RNFT2: variants seen among roughly 807,000 people sequenced by gnomAD.
RNFT2 encodes E3 ubiquitin-protein ligase RNFT2.
RNFT2 carries 36 observed loss-of-function variants against 53.0 expected under a neutral mutation model. The ratio of observed to expected loss-of-function variants is 0.68; its 90% CI spans 0.52 to 0.90. The LOEUF is 0.90. RNFT2 is among the 40% of genes least tolerant of loss of function. The pLI is 0.00. For missense variants in RNFT2, 514 were observed against 585.6 expected, an observed-to-expected ratio of 0.88 and a Z score of 1.26; for synonymous variants, 260 against 253.2, an observed-to-expected ratio of 1.03 and a Z score of -0.26.
At position 116,800,786 on chromosome 12, in the gene RNFT2, C is replaced by T. The variant is rs1259230004; in HGVS notation, c.882+21438C>T. On this transcript the variant is annotated intron_variant, in intron 7 of 10. Transcript: ENST00000257575. ...CTGAGATTGTGCCGTTGCACTCCAGCCCAGGTGACAGAGCAAGACTCCATC... is the reference window on the plus strand; with the variant it reads ...CTGAGATTGTGCCGTTGCACTCCAGTCCAGGTGACAGAGCAAGACTCCATC... Among the ~76,000 whole-genome samples, 3 of 141,868 alleles carry T rather than the reference C, an allele frequency of 2.1e-5. No homozygotes were observed. In the East Asian group the frequency reaches 6.0e-4, roughly 29 times the overall value. 93.1% of individuals were successfully genotyped at this position (141,868 alleles called of 152,430 possible).
chr12:116,851,620 A>G lies in RNFT2; in HGVS notation c.*2172A>G, dbSNP rs1203832537. 6.6e-6 allele frequency: 4 copies of G among 605,284 alleles called. No individual in the cohort carries two copies. The African/African-American group carries it at 7.4e-5, about 11-fold the overall frequency. 37.5% of individuals were successfully genotyped at this position (605,284 alleles called of 1,614,324 possible). A position where few individuals can be genotyped will look rare whatever the true frequency, so the allele number is the denominator to read the frequency against. On this transcript the variant is annotated 3_prime_UTR_variant, in exon 11 of 11. Transcript: ENST00000257575. ...CCGGGCGCGGTGGCGGGTGCCTGTA[A>G]TCCCAGCTACTCAGGAGGCTAAGGC... is the stretch of plus-strand genomic sequence containing the variant.
In RNFT2 at chr12:116,851,564, C is replaced by A. The variant is rs1264572964; in HGVS notation, c.*2116C>A. On this transcript the variant is annotated 3_prime_UTR_variant, in exon 11 of 11. Coordinates refer to ENST00000257575, the MANE Select transcript of RNFT2 (RefSeq NM_001382266.1). ...GACTAGCCTGGCCAACATGGCAAAA[C>A]CCCCTCTTTACTAAAAAATACAAAA... 1 of 578,508 alleles carries A rather than the reference C, an allele frequency of 1.7e-6. No individual in the cohort carries two copies. Among genetic ancestry groups the A allele is most frequent in the Non-Finnish European group, 3.1e-6 (1 of 325,928 alleles). The allele number at this position is 578,508 out of a possible 1,614,324, so 35.8% of individuals were successfully genotyped here.
chr12:116,837,762 G>A (rs1389805744), intron 10 of RNFT2, among the ~76,000 whole-genome samples: 1 of 152,150 alleles, frequency 6.6e-6, no homozygotes, highest in Non-Finnish European at 1.5e-5. Flanking sequence ...TGAGTTAATA[G>A]TAACATATCA....
At position 116,746,705 on chromosome 12, in the gene RNFT2, A is replaced by G. The variant is rs1270093790; in HGVS notation, c.84-3136A>G. 2.0e-5 allele frequency among the ~76,000 whole-genome samples: 3 copies of G among 152,154 alleles called. No individual in the cohort carries two copies. In the East Asian group the frequency reaches 5.8e-4, roughly 29 times the overall value. On this transcript the variant is annotated intron_variant, in intron 3 of 10. Coordinates refer to ENST00000257575, the MANE Select transcript of RNFT2 (RefSeq NM_001382266.1). ...GTCAAATAATCCAGGGCGCCTGGCA[A>G]CTTCATCTCTCTGAGCCTCAGTTTG...
intron 7 of RNFT2, among the ~76,000 whole-genome samples, chr12:116,814,835 T>G (rs10850720): frequency 1.3e-5 from 2 of 152,076 alleles, no homozygotes; most frequent in South Asian, 2.1e-4. Flanking sequence ...TGCACCACCA[T>G]GCCCAGCTAA....
chr12:116,749,732 C>T, intron 3 of RNFT2, 109 bp from the exon 4 acceptor site: 1 of 978,418 alleles, frequency 1.0e-6, no homozygotes, highest in Non-Finnish European at 1.5e-6. Flanking sequence ...TTGAGGGGGA[C>T]ACAGCTCAAC....
intron 10 of RNFT2, among the ~76,000 whole-genome samples, chr12:116,838,942 G>C (rs766204947): frequency 6.6e-5 from 10 of 152,338 alleles, no homozygotes; most frequent in Non-Finnish European, 1.2e-4. Context: ...CTGTTGCTGT[G>C]AGCTAGGCCT....
chr12:116,831,717 T>C (rs1436588203), intron 7 of RNFT2, among the ~76,000 whole-genome samples: 2 of 152,268 alleles, frequency 1.3e-5, no homozygotes, highest in East Asian at 3.9e-4. Flanking sequence ...TTTTATCAGC[T>C]TTATAGAAGC....
At chr12:116,832,606 A>G (rs1295620142) in intron 7 of RNFT2, among the ~76,000 whole-genome samples, 1 of 152,166 alleles carries the variant, frequency 6.6e-6, no homozygotes, top group African/African-American at 2.4e-5. Context: ...TAAAGTAGGT[A>G]TGTATTCAAC....
At chr12:116,782,046 T>A (rs542808139) in intron 7 of RNFT2, 1 of 108,448 alleles carries the variant, frequency 9.2e-6, no homozygotes, top group African/African-American at 3.5e-5. Context: ...ACCACTGCAC[T>A]CCAGCTTGGG....
chr12:116,813,844 A>G (rs1423081494), intron 7 of RNFT2, among the ~76,000 whole-genome samples: 7 of 152,130 alleles, frequency 4.6e-5, no homozygotes, highest in Non-Finnish European at 1.0e-4. Flanking sequence ...CAGCTCTTTC[A>G]CTTATAAGTC....
At chr12:116,776,893 C>T (rs1025942118) in intron 6 of RNFT2, among the ~76,000 whole-genome samples, 2 of 150,258 alleles carry the variant, frequency 1.3e-5, no homozygotes, top group African/African-American at 4.9e-5. Context: ...CTTAGTGCCC[C>T]AGTGTCCTCA....
At chr12:116,743,530 G>A (rs1037852670) in intron 3 of RNFT2, among the ~76,000 whole-genome samples, 2 of 152,056 alleles carry the variant, frequency 1.3e-5, no homozygotes, top group African/African-American at 2.4e-5. Context: ...AGCCTCCCAA[G>A]GGGCTGGGAT....
intron 7 of RNFT2, among the ~76,000 whole-genome samples, chr12:116,821,586 G>C (rs961315825): frequency 6.6e-6 from 1 of 152,154 alleles, no homozygotes; most frequent in African/African-American, 2.4e-5. Context: ...TGGGGCTTTT[G>C]GGAGCCAACA....
intron 7 of RNFT2, among the ~76,000 whole-genome samples, chr12:116,806,217 A>G (rs564709566): frequency 1.7e-3 from 259 of 152,040 alleles, no homozygotes; most frequent in Non-Finnish European, 3.0e-3. Flanking sequence ...CAAAAATACA[A>G]AAATTAGCCA....
chr12:116,763,378 T>C (rs1241994563), intron 5 of RNFT2, among the ~76,000 whole-genome samples: 1 of 152,118 alleles, frequency 6.6e-6, no homozygotes, highest in Admixed American at 6.6e-5. Context: ...AAATAATAGA[T>C]GTCGGCATGA....
chr12:116,752,870 A>G (rs1438774380), intron 4 of RNFT2, among the ~76,000 whole-genome samples: 1 of 152,060 alleles, frequency 6.6e-6, no homozygotes, highest in Non-Finnish European at 1.5e-5. Flanking sequence ...AGAGTGAGAC[A>G]GTGTCTCAAT....
intron 7 of RNFT2, among the ~76,000 whole-genome samples, chr12:116,793,646 T>G (rs1038982143): frequency 2.6e-5 from 4 of 152,150 alleles, no homozygotes; most frequent in Admixed American, 6.5e-5. Flanking sequence ...GCCTTCCTTC[T>G]CAGGCTTTTG....
chr12:116,799,224 C>T (rs968270562), intron 7 of RNFT2, among the ~76,000 whole-genome samples: 6 of 152,166 alleles, frequency 3.9e-5, no homozygotes, highest in African/African-American at 1.4e-4. Flanking sequence ...TACACAGTTG[C>T]CACCATCTTC....
Sources: allele counts gnomAD v4.1 joint callset (sites outside exome capture counted in the v4.1 genomes callset), GRCh38; gene constraint gnomAD v4.1.1; transcripts MANE v1.5; gene names NCBI Gene and HGNC (gene_info 2026-07-23, HGNC 2026-07-21).